The following PAM variants were observed in gnomAD, a reference collection of about 807,000 sequenced individuals.
PAM encodes peptidylglycine alpha-amidating monooxygenase.
A neutral mutation model predicts 122.1 loss-of-function variants in PAM; 72 were observed. That is an observed-to-expected ratio of 0.59 (90% CI 0.49 to 0.72). The LOEUF (loss-of-function observed/expected upper bound fraction) is 0.72, where lower values mean the gene tolerates loss of function less well. Ranked by LOEUF, PAM falls within the 30% of genes least tolerant of loss-of-function variation. PAM has a pLI of 0.00. For synonymous variants in PAM, 389 were observed against 404.4 expected (o/e 0.96, Z 0.46); for missense variants, 1,106 against 1,183.7 (o/e 0.93, Z 0.96).
chr5:102,916,330 A>G (rs1473159512), intron 5 of PAM, among the ~76,000 whole-genome samples: 1 of 152,128 alleles, frequency 6.6e-6, no homozygotes, highest in Non-Finnish European at 1.5e-5. Flanking sequence ...GTGTTTTGCC[A>G]GTCAGTTGCA....
At position 102,866,044 on chromosome 5, in the gene PAM, C is replaced by G; in HGVS notation, c.-152C>G. 1 of 469,994 alleles carries G rather than the reference C, an allele frequency of 2.1e-6. No homozygotes were observed. The highest frequency in any genetic ancestry group is 3.7e-6 in the Non-Finnish European group (1 of 271,668). 29.1% of individuals were successfully genotyped at this position (469,994 alleles called of 1,614,324 possible). On this transcript the variant is annotated 5_prime_UTR_variant, in exon 2 of 26. Transcript: ENST00000438793. ...GCCTCGCCGCGGCCAGCTCGCTGCT[C>G]TCGCTGGCGGATGGTGTGTGGCCGC...
chr5:102,855,893 A>T (rs1782504624), intron 1 of PAM, among the ~76,000 whole-genome samples: 1 of 152,180 alleles, frequency 6.6e-6, no homozygotes, highest in Non-Finnish European at 1.5e-5. Context: ...TAAAAATAAA[A>T]GAAACTAGTA....
chr5:102,957,900 G>C (rs1372031292), intron 12 of PAM, among the ~76,000 whole-genome samples: 1 of 152,088 alleles, frequency 6.6e-6, no homozygotes, highest in Non-Finnish European at 1.5e-5. Context: ...AATAATTGTG[G>C]AAATACTACT....
intron 1 of PAM, among the ~76,000 whole-genome samples, chr5:102,830,306 T>C (rs1775053106): frequency 6.6e-6 from 1 of 152,214 alleles, no homozygotes; most frequent in South Asian, 2.1e-4. Context: ...AGGTGGATGG[T>C]TTCTACCTGT....
chr5:102,775,151 A>G (rs574571951), intron 1 of PAM, among the ~76,000 whole-genome samples: 3 of 152,034 alleles, frequency 2.0e-5, no homozygotes, highest in Non-Finnish European at 4.4e-5. Flanking sequence ...CTATTGATTT[A>G]AAATACCACT....
chr5:102,886,657 T>C (rs1337919226), intron 3 of PAM, among the ~76,000 whole-genome samples: 1 of 152,054 alleles, frequency 6.6e-6, no homozygotes, highest in East Asian at 1.9e-4. Flanking sequence ...TTGTCACTAA[T>C]TATAGTGATT....
chr5:102,861,711 T>A (rs1304123585), intron 1 of PAM, among the ~76,000 whole-genome samples: 2 of 152,178 alleles, frequency 1.3e-5, no homozygotes, highest in East Asian at 1.9e-4. Flanking sequence ...TAGAACATAT[T>A]TGTTTTTAGG....
intron 1 of PAM, among the ~76,000 whole-genome samples, chr5:102,844,885 A>C (rs954591107): frequency 6.6e-6 from 1 of 152,150 alleles, no homozygotes; most frequent in Admixed American, 6.5e-5. Flanking sequence ...CTTGAAGTGA[A>C]CAGGAGTAGT....
chr5:102,842,677 G>A (rs1248475385), intron 1 of PAM, among the ~76,000 whole-genome samples: 2 of 152,200 alleles, frequency 1.3e-5, no homozygotes, highest in Admixed American at 6.5e-5. Flanking sequence ...AATGGGTGTT[G>A]TGTGAGTTAG....
intron 1 of PAM, among the ~76,000 whole-genome samples, chr5:102,788,684 G>A (rs554729289): frequency 6.6e-6 from 1 of 152,068 alleles, no homozygotes; most frequent in South Asian, 2.1e-4. Context: ...TGGGCCAGTG[G>A]TGTTACATCT....
intron 7 of PAM, among the ~76,000 whole-genome samples, chr5:102,933,727 A>G (rs1256684609): frequency 6.6e-6 from 1 of 152,246 alleles, no homozygotes; most frequent in Non-Finnish European, 1.5e-5. Context: ...GACTACTGCC[A>G]GGAAGCTATT....
At chr5:102,826,755 C>T (rs1258475210) in intron 1 of PAM, among the ~76,000 whole-genome samples, 4 of 152,120 alleles carry the variant, frequency 2.6e-5, no homozygotes, top group Admixed American at 2.6e-4. Flanking sequence ...AACTGCCACT[C>T]TTGGAATGGA....
intron 12 of PAM, among the ~76,000 whole-genome samples, chr5:102,956,191 G>C (rs1263978139): frequency 6.6e-6 from 1 of 152,032 alleles, no homozygotes; most frequent in Admixed American, 6.6e-5. Context: ...TGATTAATAT[G>C]TCTCAGAAAA....
intron 3 of PAM, among the ~76,000 whole-genome samples, chr5:102,895,145 T>C (rs536774330): frequency 6.6e-6 from 1 of 151,968 alleles, no homozygotes; most frequent in African/African-American, 2.4e-5. Flanking sequence ...TACTGGCTTT[T>C]GTTTTTTCTG....
intron 7 of PAM, among the ~76,000 whole-genome samples, chr5:102,940,410 C>A (rs1754773402): frequency 6.7e-6 from 1 of 149,128 alleles, no homozygotes; most frequent in Non-Finnish European, 1.5e-5. Flanking sequence ...AAAGGAAATT[C>A]AGATTAACAT....
At chr5:102,869,186 T>C (rs1267325787) in intron 3 of PAM, among the ~76,000 whole-genome samples, 1 of 152,218 alleles carries the variant, frequency 6.6e-6, no homozygotes, top group African/African-American at 2.4e-5. Context: ...TAATTGACTG[T>C]ATCCCGCCTC....
intron 1 of PAM, among the ~76,000 whole-genome samples, chr5:102,811,930 TTTTA>T (rs1427085455): frequency 6.6e-6 from 1 of 152,236 alleles, no homozygotes; most frequent in Non-Finnish European, 1.5e-5. Flanking sequence ...AGTTTAATAT[TTTTA>T]TTGAGAGGCT....
intron 5 of PAM, among the ~76,000 whole-genome samples, chr5:102,918,352 A>C (rs968881863): frequency 6.6e-6 from 1 of 152,168 alleles, no homozygotes; most frequent in Admixed American, 6.6e-5. Context: ...TCAAAGCATG[A>C]CAATTCTAAG....
chr5:102,985,024 T>A (rs1044923957), intron 15 of PAM, among the ~76,000 whole-genome samples: 22 of 151,282 alleles, frequency 1.5e-4, no homozygotes, highest in South Asian at 2.1e-4. Context: ...AAAAAAAAAA[T>A]TTGAAACAAA....
Sources: allele counts gnomAD v4.1 joint callset (sites outside exome capture counted in the v4.1 genomes callset), GRCh38; gene constraint gnomAD v4.1.1; transcripts MANE v1.5; gene names NCBI Gene and HGNC (gene_info 2026-07-23, HGNC 2026-07-21).